The following XKR9 variants were observed in gnomAD, a reference collection of about 807,000 sequenced individuals.
XKR9 encodes XK-related protein 9.
Under a neutral mutation model 32.0 loss-of-function variants are expected in XKR9, and 32 were observed. The ratio of observed to expected loss-of-function variants is 1.00; its 90% confidence interval spans 0.76 to 1.34. XKR9 has a LOEUF of 1.34. Ranked by LOEUF, XKR9 falls within the 40% of genes most tolerant of loss-of-function variation. The pLI, the probability that XKR9 is intolerant of heterozygous loss-of-function variation, is 0.00. For missense variants in XKR9, 546 were observed against 429.7 expected (o/e 1.27, Z -2.39); for synonymous variants, 168 against 143.4 (o/e 1.17, Z -1.22).
chr8:70,953,749 G>C, the XKR9 span, among the ~76,000 whole-genome samples: 1 of 152,166 alleles, frequency 6.6e-6, no homozygotes, highest in African/African-American at 2.4e-5. Flanking sequence ...GTTCATGGGG[G>C]TCTGTGCTTC....
At chr8:70,891,937 G>C in the XKR9 span, among the ~76,000 whole-genome samples, 9 of 151,974 alleles carry the variant, frequency 5.9e-5, no homozygotes, top group Non-Finnish European at 1.2e-4. Flanking sequence ...CCTGAGTGCT[G>C]TGGTGTTGGG....
chr8:70,813,704 A>T, the XKR9 span, among the ~76,000 whole-genome samples: 1 of 152,238 alleles, frequency 6.6e-6, no homozygotes, highest in Non-Finnish European at 1.5e-5. Flanking sequence ...TCTCTTCATC[A>T]CTGGCCGTCA....
intron 2 of XKR9, among the ~76,000 whole-genome samples, chr8:70,741,871 C>A (rs1303195003): frequency 1.3e-5 from 2 of 151,988 alleles, no homozygotes; most frequent in Non-Finnish European, 2.9e-5. Context: ...AACCTTTATA[C>A]TGTTTCCATA....
chr8:70,858,585 A>ATC, the XKR9 span, among the ~76,000 whole-genome samples: 1 of 152,230 alleles, frequency 6.6e-6, no homozygotes, highest in African/African-American at 2.4e-5. Flanking sequence ...TGCTGGAGGC[A>ATC]TCACATTACC....
chr8:70,834,791 C>T, the XKR9 span, among the ~76,000 whole-genome samples: 2 of 151,966 alleles, frequency 1.3e-5, no homozygotes, highest in African/African-American at 4.8e-5. Context: ...TTTAATTTAC[C>T]GTAGATCAAA....
At chr8:70,936,184 G>C in the XKR9 span, among the ~76,000 whole-genome samples, 1 of 151,978 alleles carries the variant, frequency 6.6e-6, no homozygotes. Flanking sequence ...GAATCCTTAA[G>C]ATAAGCTACC....
the XKR9 span, among the ~76,000 whole-genome samples, chr8:70,812,532 T>A: frequency 1.3e-5 from 2 of 152,168 alleles, no homozygotes; most frequent in African/African-American, 4.8e-5. Flanking sequence ...TGATTGTATA[T>A]CTAGAAAACC....
the XKR9 span, among the ~76,000 whole-genome samples, chr8:70,854,425 C>A: frequency 4.6e-5 from 7 of 152,066 alleles, no homozygotes; most frequent in African/African-American, 1.7e-4. Context: ...GATATTAGCC[C>A]TTTGTCAGAT....
chr8:70,943,975 T>A, the XKR9 span, among the ~76,000 whole-genome samples: 1 of 152,148 alleles, frequency 6.6e-6, no homozygotes, highest in Non-Finnish European at 1.5e-5. Context: ...GTCTTGTATA[T>A]CTGAGTAGTT....
chr8:70,746,887 A>G (rs1807066108), intron 2 of XKR9, among the ~76,000 whole-genome samples: 1 of 152,058 alleles, frequency 6.6e-6, no homozygotes. Flanking sequence ...ATAGTACACG[A>G]TGGGTAAATT....
chr8:70,696,170 GA>G (rs1466767485), intron 3 of XKR9, among the ~76,000 whole-genome samples: 2 of 152,036 alleles, frequency 1.3e-5, no homozygotes, highest in African/African-American at 4.8e-5. Flanking sequence ...TTGCTGTGCA[GA>G]AGCTCTTTAG....
chr8:70,673,014 C>T (rs1015117429), intron 1 of XKR9, among the ~76,000 whole-genome samples: 1 of 152,190 alleles, frequency 6.6e-6, no homozygotes, highest in Admixed American at 6.5e-5. Flanking sequence ...CAGCAGATGT[C>T]TCTGCACCCT....
At chr8:70,938,554 A>G in the XKR9 span, among the ~76,000 whole-genome samples, 1 of 152,002 alleles carries the variant, frequency 6.6e-6, no homozygotes, top group East Asian at 1.9e-4. Context: ...ACCCTCTGTC[A>G]TTGTCCAGAA....
intron 1 of XKR9, chr8:70,670,472 A>G (rs771914480): frequency 6.6e-6 from 1 of 152,184 alleles, no homozygotes. Context: ...TCACTGCCCC[A>G]AAGAGATGTA....
At chr8:70,896,582 G>A in the XKR9 span, among the ~76,000 whole-genome samples, 1 of 151,352 alleles carries the variant, frequency 6.6e-6, no homozygotes, top group Non-Finnish European at 1.5e-5. Context: ...CTGTCTACAG[G>A]CTTACAAATT....
intron 2 of XKR9, chr8:70,789,256 T>C (rs1446642765): frequency 6.6e-6 from 1 of 152,082 alleles, no homozygotes; most frequent in Non-Finnish European, 1.5e-5. Context: ...TTCAATTCTT[T>C]AGAATTAAGG....
At chr8:70,825,491 A>G in the XKR9 span, among the ~76,000 whole-genome samples, 3 of 152,120 alleles carry the variant, frequency 2.0e-5, no homozygotes, top group South Asian at 4.1e-4. Flanking sequence ...TACTCATACA[A>G]TTCTCTTGAA....
downstream of XKR9, among the ~76,000 whole-genome samples, chr8:70,790,805 A>T (rs1191692801): frequency 6.6e-6 from 1 of 152,102 alleles, no homozygotes; most frequent in Non-Finnish European, 1.5e-5. Flanking sequence ...GTGGCTTATT[A>T]GCAACGGAAA....
the XKR9 span, among the ~76,000 whole-genome samples, chr8:71,012,035 G>A: frequency 4.0e-5 from 6 of 150,516 alleles, no homozygotes; most frequent in Admixed American, 2.0e-4. Flanking sequence ...TCTATAGGGG[G>A]AAAAAAAAAC....
Sources: allele counts gnomAD v4.1 joint callset (sites outside exome capture counted in the v4.1 genomes callset), GRCh38; gene constraint gnomAD v4.1.1; transcripts MANE v1.5; gene names NCBI Gene and HGNC (gene_info 2026-07-23, HGNC 2026-07-21).